STON2: variants seen among roughly 807,000 people sequenced by gnomAD.
STON2 encodes the protein stonin-2.
Under a neutral mutation model 65.7 loss-of-function variants are expected in STON2, and 29 were observed. That is an observed-to-expected ratio of 0.44 (90% CI 0.33 to 0.60). The LOEUF (loss-of-function observed/expected upper bound fraction) is 0.60. Among genes scored for constraint, STON2 ranks in the 20% least tolerant of loss-of-function variants. The pLI, the probability that STON2 is intolerant of heterozygous loss-of-function variation, is 0.03. For missense variants in STON2, 1,054 were observed against 1,118.1 expected (o/e 0.94, Z 0.82); for synonymous variants, 404 against 414.2 (o/e 0.98, Z 0.30).
chr14:81,371,220 TAAATA>T, intron 3 of STON2, 35 bp from the exon 4 acceptor site: 1 of 1,579,562 alleles, frequency 6.3e-7, no homozygotes, highest in Non-Finnish European at 8.7e-7. Context: ...GCATACAATA[TAAATA>T]GTTGTACTTT....
chr14:81,394,304 A>G (rs1900215326), intron 3 of STON2, among the ~76,000 whole-genome samples: 2 of 152,252 alleles, frequency 1.3e-5, no homozygotes, highest in African/African-American at 4.8e-5. Flanking sequence ...ATTTTCTTAA[A>G]ATCATTTTAG....
chr14:81,279,330 G>A (rs758738742), intron 5 of STON2, among the ~76,000 whole-genome samples: 6 of 152,094 alleles, frequency 3.9e-5, no homozygotes, highest in Non-Finnish European at 7.4e-5. Context: ...AAAGAACATA[G>A]ACAACTCATG....
chr14:81,328,991 T>C (rs536688340), intron 4 of STON2, among the ~76,000 whole-genome samples: 1 of 152,294 alleles, frequency 6.6e-6, no homozygotes, highest in South Asian at 2.1e-4. Context: ...AATTACAGTC[T>C]CAGGTATCCC....
chr14:81,325,638 T>A (rs1351272538), intron 4 of STON2, among the ~76,000 whole-genome samples: 1 of 152,198 alleles, frequency 6.6e-6, no homozygotes, highest in Non-Finnish European at 1.5e-5. Flanking sequence ...GACTACCCTC[T>A]TAAAAACAAC....
chr14:81,316,184 C>T (rs1182226893), intron 5 of STON2, among the ~76,000 whole-genome samples: 2 of 152,174 alleles, frequency 1.3e-5, no homozygotes, highest in African/African-American at 4.8e-5. Context: ...CCCTCATTTA[C>T]AGTCACCAAG....
At chr14:81,340,541 G>C (rs189212166) in intron 4 of STON2, among the ~76,000 whole-genome samples, 219 of 152,302 alleles carry the variant, frequency 1.4e-3, no homozygotes, top group African/African-American at 5.1e-3. Flanking sequence ...CAGATGTCTT[G>C]TGAGTATTTG....
intron 3 of STON2, among the ~76,000 whole-genome samples, chr14:81,389,033 T>C (rs1304716245): frequency 1.3e-5 from 2 of 152,116 alleles, no homozygotes; most frequent in African/African-American, 4.8e-5. Context: ...CACAGAGGGG[T>C]TGCACAAGAC....
chr14:81,353,802 C>A (rs529018669), intron 4 of STON2, among the ~76,000 whole-genome samples: 1 of 152,218 alleles, frequency 6.6e-6, no homozygotes, highest in East Asian at 1.9e-4. Flanking sequence ...CAAAGCAAGG[C>A]AGAGCCCACA....
At chr14:81,309,025 T>G (rs955075533) in intron 5 of STON2, among the ~76,000 whole-genome samples, 1 of 150,706 alleles carries the variant, frequency 6.6e-6, no homozygotes, top group Non-Finnish European at 1.5e-5. Context: ...TTCCCTGGTG[T>G]TTGCCTAAAA....
At chr14:81,301,610 C>A (rs1022061672) in intron 5 of STON2, among the ~76,000 whole-genome samples, 5 of 152,156 alleles carry the variant, frequency 3.3e-5, no homozygotes, top group African/African-American at 4.8e-5. Flanking sequence ...GAGAGAATGT[C>A]TGAAGACATT....
chr14:81,287,749 T>C (rs1206040881), intron 5 of STON2, among the ~76,000 whole-genome samples: 1 of 152,174 alleles, frequency 6.6e-6, no homozygotes, highest in Non-Finnish European at 1.5e-5. Context: ...TGCCTCTGTT[T>C]TACCATTGCC....
chr14:81,263,277 G>T lies in STON2; in HGVS notation c.*5137C>A. The T allele has an allele frequency of 2.0e-6, 1 of 503,424 alleles. No individual in the cohort carries two copies. The highest frequency in any genetic ancestry group is 2.6e-6 in the Non-Finnish European group (1 of 389,844). The allele number at this position is 503,424 out of a possible 1,614,324, so 31.2% of individuals were successfully genotyped here. ...ATTTTGGCCAGGCGCGGCGGCTCATGCCTGTTATCCTAGCACTCTGGGAGG... is the reference window on the plus strand; with the variant it reads ...ATTTTGGCCAGGCGCGGCGGCTCATTCCTGTTATCCTAGCACTCTGGGAGG... On this transcript the variant is annotated 3_prime_UTR_variant, in exon 8 of 8. Coordinates refer to ENST00000614646, the MANE Select transcript of STON2 (RefSeq NM_001394390.1).
At chr14:81,366,037 T>A (rs1342111296) in intron 4 of STON2, among the ~76,000 whole-genome samples, 1 of 151,992 alleles carries the variant, frequency 6.6e-6, no homozygotes. Context: ...AGGAGTGAAA[T>A]GTTGTTTGGG....
chr14:81,434,620 GTAT>G, intron 1 of STON2, among the ~76,000 whole-genome samples: 1 of 152,196 alleles, frequency 6.6e-6, no homozygotes, highest in South Asian at 2.1e-4. Flanking sequence ...ATAGGGGGTA[GTAT>G]GGTGTGGTAA....
chr14:81,430,544 T>C (rs1018936277), intron 1 of STON2, among the ~76,000 whole-genome samples: 1 of 152,164 alleles, frequency 6.6e-6, no homozygotes. Flanking sequence ...CAGTCCAAGT[T>C]AGTAGGCAGC....
At chr14:81,412,909 A>T in intron 2 of STON2, 1 of 630,114 alleles carries the variant, frequency 1.6e-6, no homozygotes, top group Non-Finnish European at 2.7e-6. Context: ...CAGCCGGGCG[A>T]TGCTTAGCAC....
chr14:81,334,121 T>G (rs1897295949), intron 4 of STON2, among the ~76,000 whole-genome samples: 1 of 152,186 alleles, frequency 6.6e-6, no homozygotes, highest in South Asian at 2.1e-4. Context: ...GTGATACTGA[T>G]GCTGAAAGGC....
intron 3 of STON2, among the ~76,000 whole-genome samples, chr14:81,386,512 A>G (rs987587775): frequency 1.3e-5 from 2 of 152,224 alleles, no homozygotes; most frequent in Non-Finnish European, 2.9e-5. Context: ...CCAAATAATT[A>G]GTTTCCCCAG....
chr14:81,415,224 T>C (rs1005177797), intron 2 of STON2, among the ~76,000 whole-genome samples: 2 of 152,142 alleles, frequency 1.3e-5, no homozygotes, highest in Non-Finnish European at 2.9e-5. Flanking sequence ...ACCTCCTTTG[T>C]TCCTCTTATC....
Sources: allele counts gnomAD v4.1 joint callset (sites outside exome capture counted in the v4.1 genomes callset), GRCh38; gene constraint gnomAD v4.1.1; transcripts MANE v1.5; gene names NCBI Gene and HGNC (gene_info 2026-07-23, HGNC 2026-07-21).